CYFIP2: variants seen among roughly 807,000 people sequenced by gnomAD.
CYFIP2 encodes cytoplasmic FMR1 interacting protein 2, also known as cytoplasmic FMR1-interacting protein 2.
Under a neutral mutation model 158.7 loss-of-function variants are expected in CYFIP2, and 29 were observed. The observed-to-expected ratio is 0.18, with a 90% confidence interval of 0.14 to 0.25. CYFIP2 has a LOEUF of 0.25. Ranked by LOEUF, CYFIP2 falls within the 10% of genes least tolerant of loss-of-function variation. The pLI is 1.00. For synonymous variants in CYFIP2, 585 were observed against 617.6 expected (o/e 0.95, Z 0.78); for missense variants, 852 against 1,639.5 (o/e 0.52, Z 8.29).
In CYFIP2 at chr5:157,294,857, C is replaced by G; in HGVS notation, c.282C>G (p.Pro94=). The change falls in exon 4 of 31, where the codon CCC becomes CCG. Residue 94 remains proline, a synonymous_variant. Coordinates refer to ENST00000620254, the MANE Select transcript of CYFIP2 (RefSeq NM_001037333.3). The part of the protein sequence containing the change: ...YTWRSCSRAI[P]QVKCNEQPNR... ...GGCGCAGCTGTTCCCGGGCCATTCC[C>G]CAGGTGAGACTGTCCTTGTTGTGTG... The G allele has an allele frequency of 1.2e-6, 2 of 1,612,978 alleles. No individual in the cohort carries two copies. Among genetic ancestry groups the G allele is most frequent in the Non-Finnish European group, 1.7e-6 (2 of 1,179,144 alleles).
intron 26 of CYFIP2, among the ~76,000 whole-genome samples, chr5:157,377,221 C>T (rs1268124760): frequency 6.6e-6 from 1 of 152,064 alleles, no homozygotes; most frequent in Non-Finnish European, 1.5e-5. Flanking sequence ...AGGATAATGT[C>T]TAGAAATCTA....
intron 1 of CYFIP2, among the ~76,000 whole-genome samples, chr5:157,267,291 G>T (rs543746898): frequency 6.6e-6 from 1 of 152,242 alleles, no homozygotes; most frequent in Non-Finnish European, 1.5e-5. Flanking sequence ...ACGGAGGCAG[G>T]CCTGCTGGCA....
intron 1 of CYFIP2, among the ~76,000 whole-genome samples, chr5:157,274,155 C>G (rs1044023724): frequency 4.7e-5 from 7 of 149,154 alleles, no homozygotes; most frequent in Non-Finnish European, 8.9e-5. Context: ...AAAAACCGTT[C>G]AGTGGTTTTT....
chr5:157,389,108 A>C, intron 28 of CYFIP2, 81 bp from the exon 29 acceptor site: 2 of 1,372,950 alleles, frequency 1.5e-6, no homozygotes, highest in Non-Finnish European at 2.0e-6. Flanking sequence ...AGCCAGCTCC[A>C]GAGTTCGGGA....
chr5:157,267,844 G>A (rs1315431317), intron 1 of CYFIP2, among the ~76,000 whole-genome samples: 2 of 152,228 alleles, frequency 1.3e-5, no homozygotes, highest in African/African-American at 4.8e-5. Context: ...TTTTGGGAAC[G>A]GGTCCCTGAA....
chr5:157,366,301 C>T (rs1008477487), intron 26 of CYFIP2, among the ~76,000 whole-genome samples: 1 of 152,080 alleles, frequency 6.6e-6, no homozygotes, highest in African/African-American at 2.4e-5. Flanking sequence ...GATTTGTGGC[C>T]ATTATATACT....
intron 26 of CYFIP2, among the ~76,000 whole-genome samples, chr5:157,371,483 A>C (rs1764992601): frequency 6.6e-6 from 1 of 152,208 alleles, no homozygotes; most frequent in Non-Finnish European, 1.5e-5. Context: ...TCAGCTGTGA[A>C]CAGAACCCTA....
chr5:157,392,794 T>G (rs1695218581), intron 30 of CYFIP2, 39 bp from the exon 31 acceptor site: 1 of 1,603,956 alleles, frequency 6.2e-7, no homozygotes, highest in Non-Finnish European at 8.5e-7. Context: ...CACCCCCACT[T>G]TGTCCTGCCC....
rs773796375 is a variant in CYFIP2 at position 157,390,635 on chromosome 5, G to A, written c.3561G>A (p.Arg1187=). ...GTTACCACCTGCTAAAAGTGCAGAG[G>A]CAGGACGGGAAGGATGAAATCATTA... is the stretch of plus-strand genomic sequence containing the variant. ...DFCYHLLKVQ[R]QDGKDEIIKN... is the part of the protein sequence containing the mutation. Residue 1187 remains arginine (R), a synonymous_variant, in exon 30 of 31, where the codon AGG becomes AGA. Transcript: ENST00000620254. The A allele has an allele frequency of 1.6e-5, 25 of 1,584,360 alleles. No individual in the cohort carries two copies. Among genetic ancestry groups the A allele is most frequent in the Middle Eastern group, 1.7e-4 (1 of 5,796 alleles).
rs201079002 is a variant in CYFIP2, at chr5:157,343,381, C to G, written c.2673+2224C>G. The G allele has an allele frequency of 2.5e-6, 4 of 1,614,094 alleles. No individual in the cohort carries two copies. In the South Asian group the frequency reaches 4.4e-5, roughly 18 times the overall value. ...CGGAGCTGATCGTTCGAGGCACCTT[C>G]TCCTCGTGGTGGAAGCTGTAGCGAA... On this transcript the variant is annotated intron_variant, in intron 23 of 30. Transcript: ENST00000620254.
intron 8 of CYFIP2, among the ~76,000 whole-genome samples, chr5:157,305,807 G>A (rs186255100): frequency 6.6e-5 from 10 of 152,324 alleles, no homozygotes; most frequent in Admixed American, 5.2e-4. Context: ...GAGGCACTGC[G>A]CCTGGCCTAC....
chr5:157,334,320 A>T (rs1475332957), intron 21 of CYFIP2, among the ~76,000 whole-genome samples: 1 of 152,202 alleles, frequency 6.6e-6, no homozygotes, highest in Non-Finnish European at 1.5e-5. Flanking sequence ...ACTTCTAGAA[A>T]AGGATGGTGC....
At chr5:157,366,956 T>A (rs1049241069) in intron 26 of CYFIP2, among the ~76,000 whole-genome samples, 5 of 152,120 alleles carry the variant, frequency 3.3e-5, no homozygotes, top group African/African-American at 1.2e-4. Context: ...CAGGCCTGAG[T>A]CCCCCGGGAA....
At chr5:157,299,005 A>G (rs1237070946) in intron 5 of CYFIP2, among the ~76,000 whole-genome samples, 2 of 152,170 alleles carry the variant, frequency 1.3e-5, no homozygotes, top group Non-Finnish European at 2.9e-5. Context: ...CTTTGGGGCT[A>G]TTATGAACAA....
At chr5:157,344,991 T>C (rs1762574180) in intron 23 of CYFIP2, among the ~76,000 whole-genome samples, 1 of 152,218 alleles carries the variant, frequency 6.6e-6, no homozygotes, top group Non-Finnish European at 1.5e-5. Context: ...CTCAGGAAGG[T>C]GAATAGTGTC....
chr5:157,276,158 C>A (rs1452742365), intron 1 of CYFIP2, among the ~76,000 whole-genome samples: 1 of 152,152 alleles, frequency 6.6e-6, no homozygotes, highest in African/African-American at 2.4e-5. Context: ...TGCATAATTA[C>A]CTTGGCTAGA....
In CYFIP2 at chr5:157,333,353, C is replaced by T. The variant is rs1468623222; in HGVS notation, c.2292C>T (p.Asn764=). ...VQLLGRSIDL[N]RLITQRISAA... is the part of the protein sequence containing the mutation. ...TGTTGGGTAGATCAATTGACTTGAACAGACTCATTACCCAGCGCATCTCTG... is the reference window on the plus strand; with the variant it reads ...TGTTGGGTAGATCAATTGACTTGAATAGACTCATTACCCAGCGCATCTCTG... Residue 764 remains asparagine (N), a synonymous_variant, in exon 21 of 31, where the codon AAC becomes AAT. Coordinates refer to ENST00000620254, the MANE Select transcript of CYFIP2 (RefSeq NM_001037333.3). The T allele has an allele frequency of 6.2e-7, 1 of 1,614,028 alleles. No homozygotes were observed. Among genetic ancestry groups the T allele is most frequent in the Admixed American group, 1.7e-5 (1 of 60,026 alleles).
chr5:157,325,887 T>A (rs1400025226), intron 17 of CYFIP2: 1 of 540,836 alleles, frequency 1.8e-6, no homozygotes, highest in East Asian at 3.0e-5. Flanking sequence ...CAGAAAAGAA[T>A]CATCTCAGGA....
intron 6 of CYFIP2, among the ~76,000 whole-genome samples, chr5:157,301,441 G>A (rs1018836003): frequency 6.6e-6 from 1 of 152,170 alleles, no homozygotes; most frequent in Admixed American, 6.5e-5. Context: ...GGCCAGTGCA[G>A]CAATCCCAGC....
Sources: allele counts gnomAD v4.1 joint callset (sites outside exome capture counted in the v4.1 genomes callset), GRCh38; gene constraint gnomAD v4.1.1; transcripts MANE v1.5; gene names NCBI Gene and HGNC (gene_info 2026-07-23, HGNC 2026-07-21).